ADTRP: variants seen among roughly 807,000 people sequenced by gnomAD.
ADTRP encodes the protein androgen-dependent TFPI-regulating protein.
A neutral mutation model predicts 27.0 loss-of-function variants in ADTRP; 20 were observed. The ratio of observed to expected loss-of-function variants is 0.74; its 90% CI spans 0.52 to 1.08. The LOEUF is 1.08. Ranked by LOEUF, ADTRP falls within the 50% of genes least tolerant of loss-of-function variation. The pLI, the probability that ADTRP is intolerant of heterozygous loss-of-function variation, is 0.00. For synonymous variants in ADTRP, 101 were observed against 105.2 expected, an observed-to-expected ratio of 0.96 and a Z score of 0.25; for missense variants, 251 against 275.0, an observed-to-expected ratio of 0.91 and a Z score of 0.62.
chr6:11,770,117 G>A, intron 1 of ADTRP: 1 of 1,542,814 alleles, frequency 6.5e-7, no homozygotes, highest in Non-Finnish European at 8.8e-7. Flanking sequence ...AAATTATCAG[G>A]TTTCTGAGCG....
intron 3 of ADTRP, among the ~76,000 whole-genome samples, chr6:11,765,222 A>C (rs1243614583): frequency 1.3e-5 from 2 of 151,860 alleles, no homozygotes; most frequent in East Asian, 3.9e-4. Flanking sequence ...GTGAGTTTTA[A>C]GACCATGGAA....
intron 3 of ADTRP, among the ~76,000 whole-genome samples, chr6:11,757,206 G>A (rs1763240713): frequency 6.6e-6 from 1 of 152,128 alleles, no homozygotes; most frequent in African/African-American, 2.4e-5. Flanking sequence ...GAGAGCTTTT[G>A]ATTTTTGATT....
intron 5 of ADTRP, among the ~76,000 whole-genome samples, chr6:11,715,942 G>C (rs1761810891): frequency 6.7e-6 from 1 of 149,026 alleles, no homozygotes; most frequent in African/African-American, 2.5e-5. Context: ...CAAAGTGCTA[G>C]GATTACAGGC....
At chr6:11,730,358 A>G (rs1762346135) in intron 4 of ADTRP, among the ~76,000 whole-genome samples, 1 of 152,222 alleles carries the variant, frequency 6.6e-6, no homozygotes, top group African/African-American at 2.4e-5. Flanking sequence ...GTTGAAGGTC[A>G]TATTTTGGAA....
At chr6:11,717,188 C>T in intron 5 of ADTRP, 17 of 1,002,086 alleles carry the variant, frequency 1.7e-5, no homozygotes, top group Admixed American at 1.2e-4. Flanking sequence ...GCATTTTTCC[C>T]AGTAGAAAGT....
At chr6:11,778,202 T>C (rs1378989297) in intron 1 of ADTRP, among the ~76,000 whole-genome samples, 1 of 152,222 alleles carries the variant, frequency 6.6e-6, no homozygotes, top group Non-Finnish European at 1.5e-5. Flanking sequence ...ATTCCTTCAT[T>C]GGAAATTACA....
rs1048281693 is a variant in ADTRP, at chr6:11,738,992, A to G, written c.391-3309T>C. Among the ~76,000 whole-genome samples the G allele has an allele frequency of 5.3e-5, 8 of 152,174 alleles. No homozygotes were observed. In the East Asian group the frequency reaches 1.5e-3, roughly 29 times the overall value. On this transcript the variant is annotated intron_variant, in intron 3 of 5. Coordinates refer to ENST00000414691, the MANE Select transcript of ADTRP (RefSeq NM_032744.4). The stretch of plus-strand genomic sequence containing the variant: ...GGTGTTTCAAGCGTATGGGTATTTC[A>G]CCTCACTTTGACATAAATCATATGA...
chr6:11,746,300 G>C (rs1464857939), intron 3 of ADTRP, among the ~76,000 whole-genome samples: 1 of 152,210 alleles, frequency 6.6e-6, no homozygotes, highest in Non-Finnish European at 1.5e-5. Flanking sequence ...ATAACCCAAA[G>C]AGTATATGAG....
intron 1 of ADTRP, among the ~76,000 whole-genome samples, chr6:11,771,046 G>A (rs1254089199): frequency 6.6e-6 from 1 of 152,220 alleles, no homozygotes; most frequent in Admixed American, 6.5e-5. Flanking sequence ...TAGAGTCATC[G>A]TGAGTCAAGC....
At chr6:11,735,506 T>C (rs111260133) in intron 4 of ADTRP, 62 bp downstream of exon 4, 2 of 1,252,016 alleles carry the variant, frequency 1.6e-6, no homozygotes, top group Middle Eastern at 1.9e-4. Flanking sequence ...TACACATTTC[T>C]GGAACTTCCC....
intron 3 of ADTRP, among the ~76,000 whole-genome samples, chr6:11,740,907 T>C (rs1047141328): frequency 6.6e-6 from 1 of 152,212 alleles, no homozygotes; most frequent in Non-Finnish European, 1.5e-5. Context: ...TATGTCTCTA[T>C]GGGACTTAAA....
At chr6:11,777,959 T>C in intron 1 of ADTRP, among the ~76,000 whole-genome samples, 1 of 152,196 alleles carries the variant, frequency 6.6e-6, no homozygotes, top group Non-Finnish European at 1.5e-5. Context: ...TTTCTCCCAT[T>C]CATTCACACT....
rs1763569540 is a variant in ADTRP, at chr6:11,766,289, C to T, written c.375G>A (p.Trp125Ter). The change falls in exon 3 of 6, where the codon TGG becomes TGA. Residue 125 changes from tryptophan (W) to a stop codon, truncating the protein, a stop_gained. Transcript: ENST00000414691. LOFTEE classifies it high-confidence loss of function. Reference sequence around the variant, plus strand: ...CCTCACTCACCATTGCATGATTCAGCCACACGGGGATGACAGTATCTAGGA... The same window carrying T: ...CCTCACTCACCATTGCATGATTCAGTCACACGGGGATGACAGTATCTAGGA... Reference protein sequence around the residue: ...PKVLDTVIPVWLNHAMHTFIF... With the variant: ...PKVLDTVIPV 1.9e-6 allele frequency: 3 copies of T among 1,611,270 alleles called. No individual in the cohort carries two copies. Among genetic ancestry groups the T allele is most frequent in the Non-Finnish European group, 2.5e-6 (3 of 1,178,464 alleles).
intron 3 of ADTRP, among the ~76,000 whole-genome samples, chr6:11,756,713 T>C (rs76416630): frequency 3.9e-5 from 6 of 152,124 alleles, no homozygotes; most frequent in Non-Finnish European, 7.3e-5. Context: ...GGGCTTGCCT[T>C]GAGTAAGGGA....
intron 4 of ADTRP, chr6:11,728,632 GA>G (rs1163007344): frequency 6.6e-6 from 1 of 152,234 alleles, no homozygotes; most frequent in Non-Finnish European, 1.5e-5. Context: ...CTCCACCCTG[GA>G]ACTTACCTTT....
chr6:11,735,523 T>C (rs761998968), intron 4 of ADTRP, 45 bp downstream of exon 4: 2 of 1,444,484 alleles, frequency 1.4e-6, no homozygotes, highest in Non-Finnish European at 1.9e-6. Context: ...TCCCTCAGGG[T>C]CTTGAACGAC....
intron 3 of ADTRP, among the ~76,000 whole-genome samples, chr6:11,756,664 T>C (rs1182711231): frequency 2.6e-5 from 4 of 152,158 alleles, no homozygotes; most frequent in Non-Finnish European, 5.9e-5. Context: ...ACAAAGATTA[T>C]GGAGGAAGAA....
intron 3 of ADTRP, among the ~76,000 whole-genome samples, chr6:11,765,364 G>A (rs576785005): frequency 4.9e-5 from 5 of 103,014 alleles, no homozygotes; most frequent in Admixed American, 1.5e-4. Flanking sequence ...TTTCACTCTT[G>A]TTGCCCAGGC....
At chr6:11,723,553 AT>A (rs1181279937) in intron 4 of ADTRP, 53 bp from the exon 5 acceptor site, 2 of 1,597,476 alleles carry the variant, frequency 1.3e-6, no homozygotes, top group African/African-American at 2.7e-5. Context: ...AAAACAAGCC[AT>A]TTTCTCATCA....
Sources: gnomAD v4.1 joint callset for allele counts (sites outside exome capture counted in the v4.1 genomes callset) on GRCh38, gnomAD v4.1.1 for gene constraint, MANE v1.5 for transcripts, NCBI Gene and HGNC (gene_info 2026-07-23, HGNC 2026-07-21) for gene names.